PTPRT: variants seen among roughly 807,000 people sequenced by gnomAD.
The protein encoded by PTPRT is receptor-type tyrosine-protein phosphatase T.
Under a neutral mutation model 176.8 loss-of-function variants are expected in PTPRT, and 56 were observed. The ratio of observed to expected loss-of-function variants is 0.32; its 90% CI spans 0.26 to 0.40. The LOEUF is 0.40. Ranked by LOEUF, PTPRT falls within the 10% of genes least tolerant of loss-of-function variation. The pLI, the probability that PTPRT is intolerant of heterozygous loss-of-function variation, is 1.00. For missense variants in PTPRT, 1,540 were observed against 1,908.2 expected (o/e 0.81, Z 3.60); for synonymous variants, 783 against 739.0 (o/e 1.06, Z -0.96).
chr20:43,089,497 C>G (rs1161809433), intron 1 of PTPRT, among the ~76,000 whole-genome samples: 1 of 152,220 alleles, frequency 6.6e-6, no homozygotes, highest in South Asian at 2.1e-4. Flanking sequence ...TCACCTCCCA[C>G]TTCTTCCCAA....
chr20:42,870,377 T>C (rs2078824076), intron 2 of PTPRT, among the ~76,000 whole-genome samples: 1 of 152,260 alleles, frequency 6.6e-6, no homozygotes, highest in Admixed American at 6.5e-5. Flanking sequence ...ATTGTATGCG[T>C]ATACCACATT....
At chr20:43,183,626 A>C (rs1452435133) in intron 1 of PTPRT, among the ~76,000 whole-genome samples, 1 of 152,236 alleles carries the variant, frequency 6.6e-6, no homozygotes, top group Non-Finnish European at 1.5e-5. Context: ...TTTCCAAGTC[A>C]AGAAAGTTAG....
At chr20:42,332,412 G>C (rs6030144) in intron 11 of PTPRT, among the ~76,000 whole-genome samples, 1 of 151,874 alleles carries the variant, frequency 6.6e-6, no homozygotes, top group African/African-American at 2.4e-5. Context: ...GGGTTTTACC[G>C]TGTTAGCCAG....
At chr20:42,105,627 G>A (rs559077022) in intron 24 of PTPRT, among the ~76,000 whole-genome samples, 1 of 152,282 alleles carries the variant, frequency 6.6e-6, no homozygotes, top group Admixed American at 6.5e-5. Flanking sequence ...ATCTGCATTT[G>A]AATATGTCTC....
rs1014055502 is a variant in PTPRT, at chr20:42,078,958, G to A, written c.*1921C>T. The A allele has an allele frequency of 5.1e-5, 9 of 176,878 alleles. No homozygotes were observed. Among genetic ancestry groups the A allele is most frequent in the Non-Finnish European group, 7.3e-5 (6 of 82,150 alleles). 11.0% of individuals were successfully genotyped at this position (176,878 alleles called of 1,614,324 possible). ...GTTCCATTTCCCCAGCATACAGTGG[G>A]CTCTTGAGGGCCAAAGCTGTACCTT... On this transcript the variant is annotated 3_prime_UTR_variant, in exon 31 of 31. Coordinates refer to ENST00000373187, the MANE Select transcript of PTPRT (RefSeq NM_007050.6).
chr20:43,084,017 T>C (rs551055008), intron 1 of PTPRT, among the ~76,000 whole-genome samples: 2 of 152,338 alleles, frequency 1.3e-5, no homozygotes, highest in East Asian at 1.9e-4. Flanking sequence ...GGATGTGCCA[T>C]GTTTTGCTTA....
At chr20:42,503,918 C>T (rs1043267753) in intron 7 of PTPRT, among the ~76,000 whole-genome samples, 2 of 152,072 alleles carry the variant, frequency 1.3e-5, no homozygotes, top group Non-Finnish European at 2.9e-5. Context: ...GATTGACTCC[C>T]TCACTTCATT....
At chr20:43,116,575 T>G (rs2013066450) in intron 1 of PTPRT, among the ~76,000 whole-genome samples, 1 of 152,172 alleles carries the variant, frequency 6.6e-6, no homozygotes, top group Non-Finnish European at 1.5e-5. Context: ...CTTAAAGACT[T>G]AGCTCACACA....
intron 1 of PTPRT, among the ~76,000 whole-genome samples, chr20:43,050,285 G>T (rs1986993623): frequency 6.6e-6 from 1 of 152,228 alleles, no homozygotes; most frequent in Non-Finnish European, 1.5e-5. Context: ...ACGACTGGTG[G>T]TGATGGTATT....
chr20:42,889,316 C>T (rs2079153527), intron 1 of PTPRT, among the ~76,000 whole-genome samples: 1 of 152,240 alleles, frequency 6.6e-6, no homozygotes, highest in African/African-American at 2.4e-5. Context: ...TCCACAGCAG[C>T]AGGCCTTGGA....
intron 1 of PTPRT, chr20:42,969,715 A>G (rs935878777): frequency 1.3e-5 from 2 of 152,150 alleles, no homozygotes; most frequent in African/African-American, 4.8e-5. Flanking sequence ...AGTGATATAC[A>G]TTGACTAATA....
chr20:42,873,262 T>C (rs1275084139), intron 2 of PTPRT, among the ~76,000 whole-genome samples: 2 of 152,188 alleles, frequency 1.3e-5, no homozygotes, highest in East Asian at 1.9e-4. Flanking sequence ...CCAACCTCTA[T>C]GATGAAGGGC....
intron 1 of PTPRT, among the ~76,000 whole-genome samples, chr20:42,909,976 CCTATT>C (rs765432608): frequency 1.3e-5 from 2 of 152,202 alleles, no homozygotes; most frequent in Non-Finnish European, 2.9e-5. Context: ...TCATTACTCT[CCTATT>C]CTTTTCTCCC....
intron 8 of PTPRT, among the ~76,000 whole-genome samples, chr20:42,457,892 A>T (rs112015716): frequency 6.6e-6 from 1 of 152,130 alleles, no homozygotes; most frequent in African/African-American, 2.4e-5. Context: ...GTAGGCTTGG[A>T]GGGGGAGCTC....
Position 42,678,021 on chromosome 20 carries a change from G to A in PTPRT, c.998C>T (p.Thr333Met), listed in dbSNP as rs755794681. Residue 333 changes from threonine to methionine, a missense_variant, in exon 7 of 31, where the codon ACG becomes ATG. By Grantham distance (81) the Thr-to-Met change is moderately conservative. Transcript: ENST00000373187. ...GTCGACTATGTGGGTCTCTGCCCAC[G>A]TGCCTGTGGTGGTGCGATATTCCAC... ...KEVEYRTTTGTWAETHIVDSP... is the reference protein window; with the variant it reads ...KEVEYRTTTGMWAETHIVDSP... The A allele has an allele frequency of 1.1e-5, 17 of 1,614,042 alleles. No individual in the cohort carries two copies. Among genetic ancestry groups the A allele is most frequent in the South Asian group, 5.5e-5 (5 of 91,088 alleles).
At position 43,112,232 on chromosome 20, in the gene PTPRT, TGGATA is replaced by T. The variant is rs567258810; in HGVS notation, c.88+77409_88+77413del. Reference sequence around the variant, plus strand: ...TCATCTTTTCAGATTTTTATTTGATTGGATAGAAGGCAAAGTAGTTCAATAAACAC... The same window carrying T: ...TCATCTTTTCAGATTTTTATTTGATTGAAGGCAAAGTAGTTCAATAAACAC... On this transcript the variant is annotated intron_variant, in intron 1 of 30. Transcript: ENST00000373187. Among the ~76,000 whole-genome samples the T allele has an allele frequency of 4.1e-3, 619 of 152,332 alleles. 7 individuals carry two copies. The highest frequency in any genetic ancestry group is 0.014 in the African/African-American group (593 of 41,568).
At chr20:42,930,646 C>CA (rs1555805833) in intron 1 of PTPRT, among the ~76,000 whole-genome samples, 2 of 151,012 alleles carry the variant, frequency 1.3e-5, no homozygotes, top group Admixed American at 1.3e-4. Flanking sequence ...CCATGCCTGG[C>CA]TTTTTTTTTA....
intron 7 of PTPRT, among the ~76,000 whole-genome samples, chr20:42,588,254 G>A (rs561216127): frequency 4.6e-5 from 7 of 152,258 alleles, no homozygotes; most frequent in African/African-American, 1.4e-4. Flanking sequence ...GACCAGTCTG[G>A]TCAACACGGT....
Position 42,210,786 on chromosome 20 carries a change from A to G in PTPRT, c.2343-11398T>C, listed in dbSNP as rs1600681515. ...CCAATGACTTTCTTCATAGAATTGG[A>G]AAAAACTACTTTAAAATTCATATGG... On this transcript the variant is annotated intron_variant, in intron 15 of 30. Transcript: ENST00000373187. 1.5e-4 allele frequency among the ~76,000 whole-genome samples: 23 copies of G among 152,332 alleles called. No homozygotes were observed. In the South Asian group the frequency reaches 4.8e-3, roughly 32 times the overall value.
Sources: gnomAD v4.1 joint callset for allele counts (sites outside exome capture counted in the v4.1 genomes callset) on GRCh38, gnomAD v4.1.1 for gene constraint, MANE v1.5 for transcripts, NCBI Gene and HGNC (gene_info 2026-07-23, HGNC 2026-07-21) for gene names.